The following SMCO2 variants were observed in gnomAD, a reference collection of about 807,000 sequenced individuals.
The protein encoded by SMCO2 is single-pass membrane protein with coiled-coil domains 2.
Under a neutral mutation model 29.5 loss-of-function variants are expected in SMCO2, and 25 were observed. The observed-to-expected ratio is 0.85, with a 90% CI of 0.62 to 1.18. The LOEUF (loss-of-function observed/expected upper bound fraction) is 1.18, where lower values mean the gene tolerates loss of function less well. SMCO2 is among the 50% of genes most tolerant of loss of function. The pLI, the probability that SMCO2 is intolerant of heterozygous loss-of-function variation, is 0.00. For missense variants in SMCO2, 348 were observed against 344.5 expected, an observed-to-expected ratio of 1.01 and a Z score of -0.08; for synonymous variants, 117 against 123.3, an observed-to-expected ratio of 0.95 and a Z score of 0.34.
intron 5 of SMCO2, among the ~76,000 whole-genome samples, chr12:27,491,337 G>A (rs1023467990): frequency 1.2e-4 from 18 of 147,900 alleles, no homozygotes; most frequent in African/African-American, 4.7e-4. Flanking sequence ...GAGCCCCCAA[G>A]CCATTACACT....
At chr12:27,453,011 A>G in the SMCO2 span, among the ~76,000 whole-genome samples, 1 of 152,278 alleles carries the variant, frequency 6.6e-6, no homozygotes, top group African/African-American at 2.4e-5. Flanking sequence ...ACAATCTCAG[A>G]GCATTAGAGC....
At chr12:27,501,865 C>G (rs1943082440) in intron 7 of SMCO2, 58 bp from the exon 9 acceptor site, 1 of 1,319,662 alleles carries the variant, frequency 7.6e-7, no homozygotes, top group Admixed American at 2.9e-5. Context: ...GTGCCAGGAG[C>G]CTATCAATGT....
chr12:27,463,520 G>A (rs1179645292), upstream of SMCO2, among the ~76,000 whole-genome samples: 1 of 152,186 alleles, frequency 6.6e-6, no homozygotes, highest in Non-Finnish European at 1.5e-5. Flanking sequence ...GCCCGCCTCA[G>A]CCTCCCGAAG....
In SMCO2 at chr12:27,470,610, T is replaced by C. The variant is rs1949532993; in HGVS notation, c.-10-12T>C. ...CATAAAATCCCTCTTGTTGTCATTATTGTCCTTACAGTGCCGAAGAAATGG... is the reference window on the plus strand; with the variant it reads ...CATAAAATCCCTCTTGTTGTCATTACTGTCCTTACAGTGCCGAAGAAATGG... On this transcript the variant is annotated splice_polypyrimidine_tract_variant and intron_variant, in intron 1 of 7. Transcript: ENST00000298876. The C allele has an allele frequency of 6.5e-7, 1 of 1,549,282 alleles. No individual in the cohort carries two copies. The highest frequency in any genetic ancestry group is 2.4e-5 in the East Asian group (1 of 40,894).
At chr12:27,433,450 AG>A in the SMCO2 span, among the ~76,000 whole-genome samples, 6 of 152,192 alleles carry the variant, frequency 3.9e-5, no homozygotes, top group East Asian at 1.2e-3. Flanking sequence ...GTCAAATAAG[AG>A]GGCATCTGCT....
the SMCO2 span, among the ~76,000 whole-genome samples, chr12:27,428,670 C>T: frequency 6.6e-6 from 1 of 151,702 alleles, no homozygotes; most frequent in Non-Finnish European, 1.5e-5. Flanking sequence ...AATTCTTGTC[C>T]AGCTGTGTGC....
intron 4 of SMCO2, among the ~76,000 whole-genome samples, chr12:27,483,600 G>A (rs570312605): frequency 6.6e-6 from 1 of 151,738 alleles, no homozygotes; most frequent in African/African-American, 2.4e-5. Flanking sequence ...TGAAACTTGT[G>A]TGTAGGTAAA....
At chr12:27,452,367 C>T in the SMCO2 span, among the ~76,000 whole-genome samples, 1 of 152,202 alleles carries the variant, frequency 6.6e-6, no homozygotes. Flanking sequence ...CCTCCTGAGT[C>T]TCCATGGTCT....
chr12:27,454,820 G>C, the SMCO2 span, among the ~76,000 whole-genome samples: 41 of 152,176 alleles, frequency 2.7e-4, no homozygotes, highest in African/African-American at 9.9e-4. Context: ...GTGAGAACAT[G>C]TGGTGTTTGG....
At chr12:27,454,343 T>G in the SMCO2 span, among the ~76,000 whole-genome samples, 1 of 152,206 alleles carries the variant, frequency 6.6e-6, no homozygotes, top group Non-Finnish European at 1.5e-5. Context: ...AGTATTGTTT[T>G]GTATACTGCT....
chr12:27,474,939 A>G, intron 4 of SMCO2, 26 bp downstream of exon 4: 1 of 1,546,184 alleles, frequency 6.5e-7, no homozygotes, highest in Non-Finnish European at 8.7e-7. Context: ...TGCAAGACAG[A>G]GCATTTAATA....
At chr12:27,463,269 T>G (rs1168013588), upstream of SMCO2, among the ~76,000 whole-genome samples, 1 of 152,190 alleles carries the variant, frequency 6.6e-6, no homozygotes, top group Non-Finnish European at 1.5e-5. Flanking sequence ...CTTTATGTCT[T>G]TCTTTATTTT....
intron 7 of SMCO2, chr12:27,498,160 C>T (rs1051323488): frequency 5.6e-6 from 2 of 357,190 alleles, no homozygotes; most frequent in African/African-American, 4.5e-5. Flanking sequence ...TGAGTGACAA[C>T]ATCTTCTCGT....
the SMCO2 span, among the ~76,000 whole-genome samples, chr12:27,451,599 A>G: frequency 2.0e-5 from 3 of 152,204 alleles, no homozygotes; most frequent in East Asian, 5.8e-4. Flanking sequence ...AGCCTTCCTG[A>G]GCTTAGGAAC....
chr12:27,435,586 C>G, the SMCO2 span, among the ~76,000 whole-genome samples: 1 of 150,236 alleles, frequency 6.7e-6, no homozygotes, highest in Non-Finnish European at 1.5e-5. Flanking sequence ...CTCTGTCTCT[C>G]TCTCTCTTTC....
At chr12:27,436,523 T>TA in the SMCO2 span, among the ~76,000 whole-genome samples, 1 of 151,052 alleles carries the variant, frequency 6.6e-6, no homozygotes, top group Non-Finnish European at 1.5e-5. Flanking sequence ...AGGAGAGGGG[T>TA]AGAAAAGAAA....
the SMCO2 span, among the ~76,000 whole-genome samples, chr12:27,433,007 A>G: frequency 6.6e-6 from 1 of 152,162 alleles, no homozygotes; most frequent in Non-Finnish European, 1.5e-5. Context: ...GTTCTCCAGT[A>G]TTTGCTACAG....
At chr12:27,426,267 A>G in the SMCO2 span, among the ~76,000 whole-genome samples, 1 of 152,214 alleles carries the variant, frequency 6.6e-6, no homozygotes, top group Non-Finnish European at 1.5e-5. Flanking sequence ...GCAGTGAACA[A>G]TGACTCAAGT....
intron 4 of SMCO2, among the ~76,000 whole-genome samples, chr12:27,488,021 C>A (rs1949704213): frequency 6.6e-6 from 1 of 151,468 alleles, no homozygotes; most frequent in African/African-American, 2.4e-5. Context: ...AATATTTTTC[C>A]CCGTGTGTAA....
Sources: allele counts gnomAD v4.1 joint callset (sites outside exome capture counted in the v4.1 genomes callset), GRCh38; gene constraint gnomAD v4.1.1; transcripts MANE v1.5; gene names NCBI Gene and HGNC (gene_info 2026-07-23, HGNC 2026-07-21).